The following FMNL2 variants were observed in gnomAD, a reference collection of about 807,000 sequenced individuals.
FMNL2 encodes the protein formin-like protein 2.
Under a neutral mutation model 130.2 loss-of-function variants are expected in FMNL2, and 51 were observed. The ratio of observed to expected loss-of-function variants is 0.39; its 90% CI spans 0.31 to 0.49. FMNL2 has a LOEUF of 0.49. Ranked by LOEUF, FMNL2 falls within the 20% of genes least tolerant of loss-of-function variation. The probability of loss-of-function intolerance (pLI) is 0.85; values close to 1 mark genes in which losing one functional copy is unlikely to be tolerated. For synonymous variants in FMNL2, 465 were observed against 467.1 expected, an observed-to-expected ratio of 1.00 and a Z score of 0.06; for missense variants, 977 against 1,316.2, an observed-to-expected ratio of 0.74 and a Z score of 3.99.
chr2:152,631,115 G>A (rs1251356567), intron 20 of FMNL2, among the ~76,000 whole-genome samples: 1 of 152,138 alleles, frequency 6.6e-6, no homozygotes, highest in Non-Finnish European at 1.5e-5. Context: ...GCCAGGCCTG[G>A]TGGCTCACAC....
At position 152,549,040 on chromosome 2, in the gene FMNL2, A is replaced by G; in HGVS notation, c.302A>G (p.Gln101Arg). ...TTATAGAAATTCAGACGGCGTGTTC[A>G]AGAATCTACACAAGTGCTAAGAGAA... The part of the protein sequence containing the change: ...VTRKKFRRRV[Q>R]ESTQVLRELE... The change falls in exon 4 of 26, where the codon CAA (glutamine) becomes CGA (arginine). Residue 101 changes from glutamine (Q) to arginine (R), a missense_variant. By Grantham distance (43) the Gln-to-Arg change is conservative. This residue lies in a region of FMNL2 where 117 missense variants were observed against 134.9 expected (regional missense o/e 0.87). Transcript: ENST00000288670. 2 of 1,607,892 alleles carry G rather than the reference A, an allele frequency of 1.2e-6. No homozygotes were observed. The highest frequency in any genetic ancestry group is 8.5e-7 in the Non-Finnish European group (1 of 1,177,638).
At chr2:152,387,127 G>T (rs949603093) in intron 1 of FMNL2, among the ~76,000 whole-genome samples, 3 of 151,888 alleles carry the variant, frequency 2.0e-5, no homozygotes, top group Admixed American at 2.0e-4. Flanking sequence ...TGCTTTGTAG[G>T]CAACCACAGT....
At chr2:152,481,596 A>G (rs1255581655) in intron 1 of FMNL2, among the ~76,000 whole-genome samples, 1 of 152,222 alleles carries the variant, frequency 6.6e-6, no homozygotes, top group African/African-American at 2.4e-5. Flanking sequence ...AGGTGAGTCT[A>G]ACTTGTAGTC....
chr2:152,344,605 G>T (rs575694250), intron 1 of FMNL2, among the ~76,000 whole-genome samples: 1 of 152,268 alleles, frequency 6.6e-6, no homozygotes, highest in South Asian at 2.1e-4. Flanking sequence ...TTATCATAAT[G>T]AAAATTTGTG....
chr2:152,528,761 A>C (rs1693534486), intron 2 of FMNL2, among the ~76,000 whole-genome samples: 1 of 152,184 alleles, frequency 6.6e-6, no homozygotes, highest in Non-Finnish European at 1.5e-5. Flanking sequence ...ATAATGATTC[A>C]CATAGTAAGG....
intron 1 of FMNL2, among the ~76,000 whole-genome samples, chr2:152,469,121 AT>A (rs1689718908): frequency 6.6e-6 from 1 of 152,098 alleles, no homozygotes; most frequent in Non-Finnish European, 1.5e-5. Flanking sequence ...GACGCTGTTG[AT>A]TCGTTTTTCT....
chr2:152,473,346 C>T (rs1042428198), intron 1 of FMNL2, among the ~76,000 whole-genome samples: 8 of 152,024 alleles, frequency 5.3e-5, no homozygotes, highest in South Asian at 2.1e-4. Context: ...TGGGATTACA[C>T]GCATGAGTTA....
At chr2:152,360,472 A>G (rs1176447690) in intron 1 of FMNL2, among the ~76,000 whole-genome samples, 4 of 152,244 alleles carry the variant, frequency 2.6e-5, no homozygotes, top group South Asian at 4.2e-4. Context: ...CTGGGACTAC[A>G]GGTACCCACC....
chr2:152,588,449 A>T (rs1697207081), intron 9 of FMNL2, among the ~76,000 whole-genome samples: 1 of 151,966 alleles, frequency 6.6e-6, no homozygotes, highest in Non-Finnish European at 1.5e-5. Context: ...ATTTGATCAT[A>T]CCTTTGCAGA....
At chr2:152,421,313 A>G (rs1025664062) in intron 1 of FMNL2, among the ~76,000 whole-genome samples, 4 of 152,212 alleles carry the variant, frequency 2.6e-5, no homozygotes, top group Admixed American at 1.3e-4. Flanking sequence ...CCACAAATTA[A>G]TTATCCTACT....
chr2:152,533,141 C>T (rs1199725502), intron 2 of FMNL2, among the ~76,000 whole-genome samples: 1 of 152,006 alleles, frequency 6.6e-6, no homozygotes, highest in African/African-American at 2.4e-5. Context: ...AATTTTTTGT[C>T]TACCTTCAGG....
At chr2:152,591,282 T>C (rs2105777571) in intron 9 of FMNL2, among the ~76,000 whole-genome samples, 1 of 152,242 alleles carries the variant, frequency 6.6e-6, no homozygotes, top group Non-Finnish European at 1.5e-5. Flanking sequence ...GTGCTAGGAT[T>C]ACAGGCGTGA....
intron 1 of FMNL2, among the ~76,000 whole-genome samples, chr2:152,372,238 A>G (rs757284663): frequency 6.6e-6 from 1 of 152,194 alleles, no homozygotes; most frequent in Admixed American, 6.5e-5. Flanking sequence ...GTTGAGCACT[A>G]AGAGTACTCT....
At chr2:152,569,212 A>G (rs1306798472) in intron 6 of FMNL2, among the ~76,000 whole-genome samples, 1 of 151,244 alleles carries the variant, frequency 6.6e-6, no homozygotes, top group Admixed American at 6.6e-5. Flanking sequence ...AATTCAGCCT[A>G]TGAACATGTA....
intron 1 of FMNL2, among the ~76,000 whole-genome samples, chr2:152,397,758 C>T (rs1057418115): frequency 6.6e-6 from 1 of 152,064 alleles, no homozygotes; most frequent in Non-Finnish European, 1.5e-5. Context: ...GACACAATAC[C>T]ACTGAATCTG....
intron 1 of FMNL2, 53 bp from the exon 2 acceptor site, chr2:152,521,890 G>T: frequency 7.0e-7 from 1 of 1,429,288 alleles, no homozygotes; most frequent in Non-Finnish European, 9.9e-7. Flanking sequence ...TTACCAATTT[G>T]GAAGCCTGCT....
intron 1 of FMNL2, among the ~76,000 whole-genome samples, chr2:152,389,644 G>A (rs1223617957): frequency 7.9e-5 from 12 of 152,216 alleles, no homozygotes; most frequent in East Asian, 1.9e-4. Context: ...GGACTAGAGC[G>A]CAGACCTCAG....
chr2:152,487,221 T>A (rs529179434), intron 1 of FMNL2, among the ~76,000 whole-genome samples: 1 of 152,248 alleles, frequency 6.6e-6, no homozygotes, highest in Admixed American at 6.5e-5. Flanking sequence ...GATTTCCTTG[T>A]TTGAAATTTT....
At chr2:152,642,934 G>A (rs1162155328) in intron 25 of FMNL2, among the ~76,000 whole-genome samples, 1 of 152,054 alleles carries the variant, frequency 6.6e-6, no homozygotes, top group African/African-American at 2.4e-5. Context: ...GCTTGAACCT[G>A]GGAGGTGGAA....
Sources: allele counts gnomAD v4.1 joint callset (sites outside exome capture counted in the v4.1 genomes callset), GRCh38; gene constraint gnomAD v4.1.1; regional missense constraint gnomAD v4.1.1; transcripts MANE v1.5; gene names NCBI Gene and HGNC (gene_info 2026-07-23, HGNC 2026-07-21).